The following GHR variants were observed in gnomAD, a reference collection of about 807,000 sequenced individuals.
GHR encodes the protein growth hormone receptor.
GHR carries 35 observed loss-of-function variants against 67.1 expected under a neutral mutation model. The ratio of observed to expected loss-of-function variants is 0.52; its 90% confidence interval spans 0.40 to 0.69. The LOEUF is 0.69. Ranked by LOEUF, GHR falls within the 30% of genes least tolerant of loss-of-function variation. GHR has a pLI of 0.00. For missense variants in GHR, 792 were observed against 764.6 expected (o/e 1.04, Z -0.42); for synonymous variants, 272 against 269.1 (o/e 1.01, Z -0.10).
At chr5:42,466,819 A>C in intron 1 of GHR, 6 of 1,133,150 alleles carry the variant, frequency 5.3e-6, no homozygotes, top group Non-Finnish European at 6.0e-6. Flanking sequence ...AGAAAACAGC[A>C]AAGAGGTGTC....
intron 1 of GHR, among the ~76,000 whole-genome samples, chr5:42,476,997 G>A (rs1159680831): frequency 6.6e-6 from 1 of 151,400 alleles, no homozygotes; most frequent in Non-Finnish European, 1.5e-5. Flanking sequence ...TCGTCATTTA[G>A]CGTTAGGTGT....
intron 1 of GHR, among the ~76,000 whole-genome samples, chr5:42,529,950 C>T (rs531494288): frequency 1.1e-4 from 16 of 148,860 alleles, no homozygotes; most frequent in Admixed American, 4.7e-4. Context: ...GAACTTCTTC[C>T]GGAATGGGAA....
At chr5:42,506,384 A>G (rs1746778563) in intron 1 of GHR, among the ~76,000 whole-genome samples, 1 of 152,230 alleles carries the variant, frequency 6.6e-6, no homozygotes, top group Admixed American at 6.5e-5. Flanking sequence ...AGGATAATTT[A>G]CATGACCAAG....
intron 9 of GHR, 100 bp downstream of exon 9, chr5:42,718,221 C>G: frequency 3.9e-6 from 3 of 767,848 alleles, no homozygotes; most frequent in South Asian, 1.6e-5. Flanking sequence ...ATATCACATT[C>G]AATTTTCTTG....
chr5:42,471,807 G>A (rs899670086), intron 1 of GHR, among the ~76,000 whole-genome samples: 3 of 152,176 alleles, frequency 2.0e-5, no homozygotes, highest in African/African-American at 7.2e-5. Flanking sequence ...TAAAGTAACA[G>A]AATCATTTAA....
chr5:42,435,342 T>C (rs546451371), intron 1 of GHR, among the ~76,000 whole-genome samples: 39 of 152,254 alleles, frequency 2.6e-4, no homozygotes, highest in Admixed American at 2.2e-3. Context: ...AAGATATATC[T>C]AGATGATTAT....
intron 2 of GHR, among the ~76,000 whole-genome samples, chr5:42,590,179 C>T (rs1417054746): frequency 6.6e-6 from 1 of 152,138 alleles, no homozygotes; most frequent in African/African-American, 2.4e-5. Flanking sequence ...TGGGCAAGTA[C>T]ATATATGAAT....
chr5:42,485,632 C>G (rs948708931), intron 1 of GHR, among the ~76,000 whole-genome samples: 3 of 152,128 alleles, frequency 2.0e-5, no homozygotes, highest in Non-Finnish European at 2.9e-5. Flanking sequence ...AAAACCTTGT[C>G]TTCTTTTCTT....
rs546146544 is a variant in GHR, at chr5:42,597,559, A to G, written c.71-31479A>G. The stretch of plus-strand genomic sequence containing the variant: ...TGGTTCCAGTGCCAGGGTCGAGGAA[A>G]GACTTACTAGGTCCTGCAGTATTGC... On this transcript the variant is annotated intron_variant, in intron 2 of 9. Coordinates refer to ENST00000230882, the MANE Select transcript of GHR (RefSeq NM_000163.5). 2.6e-5 allele frequency among the ~76,000 whole-genome samples: 4 copies of G among 152,276 alleles called. No homozygotes were observed. The East Asian group carries it at 7.7e-4, about 29-fold the overall frequency.
intron 6 of GHR, among the ~76,000 whole-genome samples, chr5:42,710,435 C>T (rs192120045): frequency 7.6e-4 from 115 of 151,952 alleles, no homozygotes; most frequent in Admixed American, 2.2e-3. Context: ...AGGAAACTAC[C>T]ATCACTAGTT....
intron 9 of GHR, 118 bp downstream of exon 9, chr5:42,718,239 TCTC>T (rs1176806856): frequency 9.6e-6 from 7 of 727,114 alleles, no homozygotes; most frequent in South Asian, 1.7e-5. Context: ...TTGTGTCTCT[TCTC>T]CTGGAGAAAA....
intron 1 of GHR, among the ~76,000 whole-genome samples, chr5:42,500,156 T>C (rs1746480773): frequency 1.3e-5 from 2 of 152,188 alleles, no homozygotes; most frequent in Admixed American, 1.3e-4. Context: ...GCCAGTCGAG[T>C]GTGGGCTGGA....
intron 1 of GHR, among the ~76,000 whole-genome samples, chr5:42,455,030 G>A (rs1230865985): frequency 6.6e-6 from 1 of 152,068 alleles, no homozygotes; most frequent in African/African-American, 2.4e-5. Context: ...GGCTTCCCTG[G>A]GTTTGAGCTG....
intron 2 of GHR, among the ~76,000 whole-genome samples, chr5:42,609,163 T>C (rs951124603): frequency 6.6e-6 from 1 of 152,124 alleles, no homozygotes; most frequent in Non-Finnish European, 1.5e-5. Context: ...CTCCCAGGCC[T>C]GAAAGGTCAC....
At chr5:42,596,558 G>T (rs1218697105) in intron 2 of GHR, among the ~76,000 whole-genome samples, 1 of 152,126 alleles carries the variant, frequency 6.6e-6, no homozygotes, top group Non-Finnish European at 1.5e-5. Flanking sequence ...TACCTAGTTG[G>T]CACAGCATTG....
At chr5:42,611,355 C>A (rs888643819) in intron 2 of GHR, among the ~76,000 whole-genome samples, 35 of 152,090 alleles carry the variant, frequency 2.3e-4, no homozygotes, top group Non-Finnish European at 4.7e-4. Context: ...CTTTTTCCAA[C>A]CTTAATTACC....
chr5:42,611,769 T>C (rs1752902811), intron 2 of GHR, among the ~76,000 whole-genome samples: 1 of 152,160 alleles, frequency 6.6e-6, no homozygotes, highest in African/African-American at 2.4e-5. Context: ...ATAAAGGGAA[T>C]GTAGTTACTA....
Position 42,468,707 on chromosome 5 carries a change from A to G in GHR, c.-12+44752A>G, listed in dbSNP as rs117262981. 4.9e-3 allele frequency: 4,794 copies of G among 975,618 alleles called. 151 individuals are homozygous for G. In the East Asian group the frequency reaches 0.055, roughly 11 times the overall value. The allele number at this position is 975,618 out of a possible 1,614,324, so 60.4% of individuals were successfully genotyped here. On this transcript the variant is annotated intron_variant, in intron 1 of 9. Coordinates refer to ENST00000230882, the MANE Select transcript of GHR (RefSeq NM_000163.5). The stretch of plus-strand genomic sequence containing the variant: ...TGGAGTTGGTCTGGGTCGCAGCCTG[A>G]GCTGCCGCTCTTGGCCCCAGAGACG...
chr5:42,658,643 A>G (rs1561203398), intron 3 of GHR, among the ~76,000 whole-genome samples: 1 of 152,150 alleles, frequency 6.6e-6, no homozygotes, highest in East Asian at 1.9e-4. Flanking sequence ...ATCAAGGGTG[A>G]TTTTTTTCCC....
Sources: gnomAD v4.1 joint callset for allele counts (sites outside exome capture counted in the v4.1 genomes callset) on GRCh38, gnomAD v4.1.1 for gene constraint, MANE v1.5 for transcripts, NCBI Gene and HGNC (gene_info 2026-07-23, HGNC 2026-07-21) for gene names.